NRP2: variants seen among roughly 807,000 people sequenced by gnomAD.
NRP2 encodes neuropilin-2.
In NRP2, 52 loss-of-function variants were observed where a neutral mutation model predicts 110.4. The observed-to-expected ratio is 0.47, with a 90% CI of 0.38 to 0.59. The LOEUF (loss-of-function observed/expected upper bound fraction) is 0.59. Ranked by LOEUF, NRP2 falls within the 20% of genes least tolerant of loss-of-function variation. NRP2 has a pLI of 0.00. For synonymous variants in NRP2, 508 were observed against 468.9 expected (o/e 1.08, Z -1.08); for missense variants, 1,049 against 1,203.0 (o/e 0.87, Z 1.89).
intron 9 of NRP2, among the ~76,000 whole-genome samples, chr2:205,743,991 G>T (rs1479498796): frequency 6.6e-6 from 1 of 152,170 alleles, no homozygotes; most frequent in African/African-American, 2.4e-5. Context: ...TGATCCACTT[G>T]CCTTGGCCTC....
chr2:205,708,326 A>C (rs536352964), intron 2 of NRP2, among the ~76,000 whole-genome samples: 1 of 152,290 alleles, frequency 6.6e-6, no homozygotes, highest in South Asian at 2.1e-4. Context: ...AGTGGCCTCC[A>C]GTGTGTGTGC....
intron 8 of NRP2, among the ~76,000 whole-genome samples, chr2:205,742,155 G>A (rs1444118143): frequency 6.6e-6 from 1 of 152,172 alleles, no homozygotes; most frequent in Non-Finnish European, 1.5e-5. Context: ...TTGAAGAAGG[G>A]GAACAACGTG....
At chr2:205,744,624 T>A (rs1368786236) in intron 9 of NRP2, among the ~76,000 whole-genome samples, 1 of 152,174 alleles carries the variant, frequency 6.6e-6, no homozygotes, top group Non-Finnish European at 1.5e-5. Flanking sequence ...TCTCTGATTC[T>A]TATCTCTAGT....
intron 15 of NRP2, among the ~76,000 whole-genome samples, chr2:205,779,943 A>C (rs2058155111): frequency 6.6e-6 from 1 of 152,096 alleles, no homozygotes; most frequent in Non-Finnish European, 1.5e-5. Context: ...AACTTTTATG[A>C]TTGGTGTGGG....
At chr2:205,724,399 C>T in intron 5 of NRP2, among the ~76,000 whole-genome samples, 1 of 152,112 alleles carries the variant, frequency 6.6e-6, no homozygotes, top group South Asian at 2.1e-4. Flanking sequence ...CATTAACCAT[C>T]TCTGGGCCTG....
At chr2:205,755,175 G>A (rs1451727828) in intron 12 of NRP2, among the ~76,000 whole-genome samples, 2 of 152,126 alleles carry the variant, frequency 1.3e-5, no homozygotes, top group Admixed American at 6.5e-5. Flanking sequence ...CTACTGGTTG[G>A]GAATTCTAGT....
At chr2:205,767,467 G>A (rs1216674926) in intron 15 of NRP2, 2 of 515,140 alleles carry the variant, frequency 3.9e-6, no homozygotes, top group Non-Finnish European at 7.7e-6. Flanking sequence ...ACTGGAGCTA[G>A]AGCACTTTAA....
At chr2:205,706,689 A>T (rs1377338045) in intron 2 of NRP2, among the ~76,000 whole-genome samples, 1 of 152,094 alleles carries the variant, frequency 6.6e-6, no homozygotes, top group Admixed American at 6.5e-5. Flanking sequence ...ATCTGCTGGG[A>T]AACTGAGGTC....
intron 15 of NRP2, among the ~76,000 whole-genome samples, chr2:205,771,671 A>G (rs766969076): frequency 2.0e-5 from 3 of 152,212 alleles, no homozygotes; most frequent in Non-Finnish European, 4.4e-5. Context: ...AGACACGCCA[A>G]TCCTCAGACA....
intron 15 of NRP2, among the ~76,000 whole-genome samples, chr2:205,782,832 G>T (rs2058191459): frequency 6.6e-6 from 1 of 151,416 alleles, no homozygotes; most frequent in Non-Finnish European, 1.5e-5. Flanking sequence ...CTCCCCTGTT[G>T]ATGAGTGTTC....
intron 1 of NRP2, among the ~76,000 whole-genome samples, chr2:205,689,591 C>T (rs1645119415): frequency 1.3e-5 from 2 of 152,188 alleles, no homozygotes; most frequent in African/African-American, 4.8e-5. Flanking sequence ...TTTGTAAGCA[C>T]CATATTATCT....
intron 2 of NRP2, among the ~76,000 whole-genome samples, chr2:205,710,776 G>A (rs2056781743): frequency 2.0e-5 from 3 of 152,152 alleles, no homozygotes; most frequent in African/African-American, 7.2e-5. Context: ...TTAATGTAAG[G>A]ATTAATAAGA....
intron 2 of NRP2, among the ~76,000 whole-genome samples, chr2:205,710,049 G>A (rs1412979067): frequency 2.0e-5 from 3 of 152,112 alleles, no homozygotes; most frequent in Non-Finnish European, 4.4e-5. Flanking sequence ...CTTCAGCCTT[G>A]TTTAAACAGA....
intron 5 of NRP2, among the ~76,000 whole-genome samples, chr2:205,724,153 A>AT (rs1359023382): frequency 6.6e-6 from 1 of 151,900 alleles, no homozygotes; most frequent in African/African-American, 2.4e-5. Context: ...TTCTTTAAAA[A>AT]ATATATATAT....
intron 15 of NRP2, among the ~76,000 whole-genome samples, chr2:205,781,028 A>G (rs1349527403): frequency 6.6e-6 from 1 of 152,238 alleles, no homozygotes; most frequent in Non-Finnish European, 1.5e-5. Context: ...AAATATCTCA[A>G]AAGTGTTGAT....
intron 3 of NRP2, among the ~76,000 whole-genome samples, chr2:205,720,628 C>T (rs773562238): frequency 2.2e-4 from 33 of 152,188 alleles, no homozygotes; most frequent in Non-Finnish European, 8.8e-5. Context: ...CTGAGTGGCC[C>T]GCATGAAGAA....
intron 3 of NRP2, among the ~76,000 whole-genome samples, chr2:205,719,660 G>A (rs1206136995): frequency 1.3e-5 from 2 of 152,088 alleles, no homozygotes; most frequent in Admixed American, 1.3e-4. Flanking sequence ...ATTCACAGAG[G>A]TAGAGAAAAC....
At chr2:205,720,809 C>A (rs1383493880) in intron 3 of NRP2, among the ~76,000 whole-genome samples, 1 of 152,208 alleles carries the variant, frequency 6.6e-6, no homozygotes, top group Admixed American at 6.5e-5. Context: ...CCCAGCTCAT[C>A]CCTCCAGGAC....
At chr2:205,782,249 T>G (rs567595648) in intron 15 of NRP2, among the ~76,000 whole-genome samples, 1 of 152,112 alleles carries the variant, frequency 6.6e-6, no homozygotes, top group Admixed American at 6.5e-5. Flanking sequence ...AAAGCTAAAG[T>G]CCCGTGGGCA....
Sources: allele counts gnomAD v4.1 joint callset (sites outside exome capture counted in the v4.1 genomes callset), GRCh38; gene constraint gnomAD v4.1.1; transcripts MANE v1.5; gene names NCBI Gene and HGNC (gene_info 2026-07-23, HGNC 2026-07-21).